PDE5A: variants seen among roughly 807,000 people sequenced by gnomAD.
The protein encoded by PDE5A is phosphodiesterase 5A.
In PDE5A, 67 loss-of-function variants were observed where a neutral mutation model predicts 110.2. That is an observed-to-expected ratio of 0.61 (90% CI 0.50 to 0.75). The LOEUF is 0.75. Ranked by LOEUF, PDE5A falls within the 30% of genes least tolerant of loss-of-function variation. PDE5A has a pLI of 0.00. For synonymous variants in PDE5A, 328 were observed against 351.2 expected, an observed-to-expected ratio of 0.93 and a Z score of 0.74; for missense variants, 862 against 1,045.1, an observed-to-expected ratio of 0.82 and a Z score of 2.42.
At chr4:119,512,372 T>C (rs1052704256) in intron 14 of PDE5A, 1 of 152,160 alleles carries the variant, frequency 6.6e-6, no homozygotes, top group African/African-American at 2.4e-5. Context: ...ATGGATCAGG[T>C]ACTGTGCTCA....
chr4:119,538,853 G>A, intron 11 of PDE5A, 107 bp downstream of exon 11: 1 of 851,210 alleles, frequency 1.2e-6, no homozygotes, highest in Non-Finnish European at 2.0e-6. Flanking sequence ...CTGCAAGAAA[G>A]CAGAGTTAAT....
intron 2 of PDE5A, among the ~76,000 whole-genome samples, chr4:119,600,245 C>A (rs1729297328): frequency 6.6e-6 from 1 of 150,902 alleles, no homozygotes; most frequent in African/African-American, 2.4e-5. Context: ...AATGAAACAC[C>A]CAATAGAGGA....
chr4:119,578,811 T>C (rs1293284415), intron 3 of PDE5A, among the ~76,000 whole-genome samples: 3 of 151,762 alleles, frequency 2.0e-5, no homozygotes, highest in Non-Finnish European at 4.4e-5. Context: ...CCAAAAGCAA[T>C]GACAACAAAA....
intron 3 of PDE5A, among the ~76,000 whole-genome samples, chr4:119,594,332 G>A (rs748272472): frequency 5.3e-5 from 8 of 152,124 alleles, no homozygotes; most frequent in Non-Finnish European, 1.2e-4. Flanking sequence ...AGCTTAATCA[G>A]GGCATAATTC....
intron 3 of PDE5A, among the ~76,000 whole-genome samples, chr4:119,583,891 T>C (rs1175209630): frequency 6.6e-6 from 1 of 152,182 alleles, no homozygotes; most frequent in Non-Finnish European, 1.5e-5. Context: ...GTCCAATGAG[T>C]GTTCTGCTTT....
chr4:119,605,539 C>T (rs1040503606), intron 2 of PDE5A, among the ~76,000 whole-genome samples: 4 of 151,712 alleles, frequency 2.6e-5, no homozygotes, highest in African/African-American at 4.8e-5. Context: ...CCCAGCTACT[C>T]GGGAGGCTGA....
intron 8 of PDE5A, among the ~76,000 whole-genome samples, chr4:119,553,025 C>T (rs1321482871): frequency 6.6e-6 from 1 of 152,062 alleles, no homozygotes; most frequent in African/African-American, 2.4e-5. Flanking sequence ...CAAACCTGTC[C>T]TTTAATAATA....
intron 11 of PDE5A, among the ~76,000 whole-genome samples, chr4:119,536,464 C>T (rs1051045420): frequency 5.9e-5 from 9 of 152,026 alleles, no homozygotes; most frequent in Non-Finnish European, 1.2e-4. Context: ...ACAAATGGGC[C>T]AATTAAGCCT....
chr4:119,530,410 A>G (rs2110477524), intron 11 of PDE5A, among the ~76,000 whole-genome samples: 1 of 152,294 alleles, frequency 6.6e-6, no homozygotes, highest in Non-Finnish European at 1.5e-5. Flanking sequence ...TTGAAATCAC[A>G]GACTTGCCAC....
At chr4:119,625,334 T>C (rs1730309879) in intron 1 of PDE5A, among the ~76,000 whole-genome samples, 1 of 152,204 alleles carries the variant, frequency 6.6e-6, no homozygotes, top group Non-Finnish European at 1.5e-5. Flanking sequence ...AGCTCTCTAC[T>C]TGAAGACAGT....
intron 2 of PDE5A, among the ~76,000 whole-genome samples, chr4:119,600,929 T>C (rs1729322916): frequency 6.6e-6 from 1 of 152,186 alleles, no homozygotes; most frequent in Non-Finnish European, 1.5e-5. Context: ...TAGATATCAC[T>C]TTAAAAAAGT....
At chr4:119,621,291 C>T (rs540315205) in intron 1 of PDE5A, among the ~76,000 whole-genome samples, 25 of 152,230 alleles carry the variant, frequency 1.6e-4, no homozygotes, top group Non-Finnish European at 3.2e-4. Flanking sequence ...TTATGGGCTA[C>T]GTGCCCCAAC....
At chr4:119,604,463 A>T (rs1293407596) in intron 2 of PDE5A, among the ~76,000 whole-genome samples, 1 of 152,174 alleles carries the variant, frequency 6.6e-6, no homozygotes, top group Non-Finnish European at 1.5e-5. Context: ...CACTTAAGAC[A>T]GGAAGGGGAT....
At chr4:119,554,257 C>A (rs114690534) in intron 7 of PDE5A, among the ~76,000 whole-genome samples, 2 of 152,052 alleles carry the variant, frequency 1.3e-5, no homozygotes, top group African/African-American at 4.8e-5. Flanking sequence ...GTCTTTTTGT[C>A]GTGTCTTCCT....
chr4:119,534,907 G>T (rs916113374), intron 11 of PDE5A, among the ~76,000 whole-genome samples: 1 of 152,298 alleles, frequency 6.6e-6, no homozygotes, highest in East Asian at 1.9e-4. Flanking sequence ...TTAAGGTCAA[G>T]ATGAGGAAAA....
In PDE5A at chr4:119,596,618, A is replaced by T; in HGVS notation, c.742-6T>A. On this transcript the variant is annotated splice_polypyrimidine_tract_variant and splice_region_variant and intron_variant, in intron 2 of 20. Coordinates refer to ENST00000354960, the MANE Select transcript of PDE5A (RefSeq NM_001083.4). ...TCTGCATTGAACCGAGGATCCTAGTATGGAAAAAGAAATTCAATTTAATGA... is the reference window on the plus strand; with the variant it reads ...TCTGCATTGAACCGAGGATCCTAGTTTGGAAAAAGAAATTCAATTTAATGA... The T allele has an allele frequency of 6.6e-7, 1 of 1,525,938 alleles. No homozygotes were observed. The highest frequency in any genetic ancestry group is 1.2e-5 in the South Asian group (1 of 82,826). 94.5% of individuals were successfully genotyped at this position (1,525,938 alleles called of 1,614,324 possible). A position where few individuals can be genotyped will look rare whatever the true frequency, so the allele number is the denominator to read the frequency against.
chr4:119,539,791 A>G (rs1726860539), intron 10 of PDE5A, among the ~76,000 whole-genome samples: 1 of 152,152 alleles, frequency 6.6e-6, no homozygotes, highest in South Asian at 2.1e-4. Flanking sequence ...AAAAGCAATC[A>G]TTTCTAATTA....
intron 11 of PDE5A, among the ~76,000 whole-genome samples, chr4:119,534,328 T>A (rs140982995): frequency 0.48 from 72,188 of 151,774 alleles, 17,500 homozygotes; most frequent in South Asian, 0.64. Context: ...TGAGAATTAC[T>A]GCCTGAGCTC....
At chr4:119,584,533 C>T (rs1728690810) in intron 3 of PDE5A, among the ~76,000 whole-genome samples, 1 of 152,196 alleles carries the variant, frequency 6.6e-6, no homozygotes, top group Non-Finnish European at 1.5e-5. Flanking sequence ...AGTACTCTCT[C>T]TGCTTATGAA....
Sources: gnomAD v4.1 joint callset for allele counts (sites outside exome capture counted in the v4.1 genomes callset) on GRCh38, gnomAD v4.1.1 for gene constraint, MANE v1.5 for transcripts, NCBI Gene and HGNC (gene_info 2026-07-23, HGNC 2026-07-21) for gene names.